Variants in DISP1 observed in about 807,000 individuals in gnomAD.
DISP1 encodes the protein dispatched RND transporter family member 1.
A neutral mutation model predicts 37.3 loss-of-function variants in DISP1; 30 were observed. The observed-to-expected ratio is 0.80, with a 90% CI of 0.60 to 1.09. The LOEUF (loss-of-function observed/expected upper bound fraction) is 1.09. Among genes scored for constraint, DISP1 ranks in the 50% least tolerant of loss-of-function variants. DISP1 has a pLI of 0.00. For missense variants in DISP1, 1,598 were observed against 1,879.5 expected (o/e 0.85, Z 2.77); for synonymous variants, 634 against 690.2 (o/e 0.92, Z 1.28).
chr1:222,966,242 A>G (rs1464685913), intron 3 of DISP1, among the ~76,000 whole-genome samples: 1 of 152,204 alleles, frequency 6.6e-6, no homozygotes, highest in African/African-American at 2.4e-5. Flanking sequence ...GAAAGAAACT[A>G]AAATGTAGGG....
intron 1 of DISP1, among the ~76,000 whole-genome samples, chr1:222,839,930 CAAA>C (rs113532897): frequency 6.9e-6 from 1 of 145,502 alleles, no homozygotes; most frequent in African/African-American, 2.5e-5. Context: ...AAGACTGTCT[CAAA>C]AAAAAAAAAA....
chr1:222,923,533 GA>G (rs1017915993), intron 1 of DISP1, among the ~76,000 whole-genome samples: 1 of 152,166 alleles, frequency 6.6e-6, no homozygotes, highest in Non-Finnish European at 1.5e-5. Flanking sequence ...ACAAGTTCCA[GA>G]AAAAGTTTGA....
chr1:222,944,180 A>G (rs1366645047), intron 3 of DISP1, among the ~76,000 whole-genome samples: 1 of 152,234 alleles, frequency 6.6e-6, no homozygotes, highest in Non-Finnish European at 1.5e-5. Context: ...CATAGCAGAT[A>G]AAACCTGTGA....
chr1:222,987,133 A>G (rs1399770570), intron 4 of DISP1, among the ~76,000 whole-genome samples: 3 of 151,706 alleles, frequency 2.0e-5, no homozygotes, highest in African/African-American at 4.8e-5. Flanking sequence ...TACTTCTCCA[A>G]TTTTCCTACT....
Position 222,887,530 on chromosome 1 carries a change from T to C in DISP1, c.-158-40900T>C, listed in dbSNP as rs1382969002. ...TTTTTGAGACGGAGTCTCGCTCTGT[T>C]GCCCAGGCCGGACTGCGGACTGCAG... is the stretch of plus-strand genomic sequence containing the variant. On this transcript the variant is annotated intron_variant, in intron 1 of 8. Coordinates refer to ENST00000675850, the MANE Select transcript of DISP1 (RefSeq NM_001377229.1). Among the ~76,000 whole-genome samples, 4 of 107,214 alleles carry C rather than the reference T, an allele frequency of 3.7e-5. 2 individuals carry two copies. Among genetic ancestry groups the C allele is most frequent in the Admixed American group, 1.6e-4 (2 of 12,444 alleles). 70.3% of individuals were successfully genotyped at this position (107,214 alleles called of 152,430 possible). A position where few individuals can be genotyped will look rare whatever the true frequency, so the allele number is the denominator to read the frequency against.
chr1:222,992,144 C>T (rs1396091078), intron 7 of DISP1, 34 bp downstream of exon 7: 1 of 1,502,318 alleles, frequency 6.7e-7, no homozygotes, highest in African/African-American at 1.4e-5. Context: ...AACCACTCAG[C>T]AGTTTGCTCG....
chr1:222,998,174 G>A (rs1679203358), intron 8 of DISP1, among the ~76,000 whole-genome samples: 1 of 151,572 alleles, frequency 6.6e-6, no homozygotes, highest in South Asian at 2.1e-4. Flanking sequence ...CACTGTTAGG[G>A]GTTTTCTTTG....
chr1:222,844,957 C>T (rs958569776), intron 1 of DISP1, among the ~76,000 whole-genome samples: 1 of 152,058 alleles, frequency 6.6e-6, no homozygotes, highest in Non-Finnish European at 1.5e-5. Flanking sequence ...AAACTTCAAA[C>T]TCAACATTTA....
intron 1 of DISP1, among the ~76,000 whole-genome samples, chr1:222,915,190 C>T (rs1189859908): frequency 6.6e-6 from 1 of 152,114 alleles, no homozygotes; most frequent in Non-Finnish European, 1.5e-5. Flanking sequence ...AGTTATGCTT[C>T]TTTGATCTAA....
In DISP1 at chr1:223,005,140, G is replaced by A; in HGVS notation, c.3743G>A (p.Gly1248Asp). Residue 1248 changes from glycine (G) to aspartate (D), a missense_variant, in exon 9 of 9, where the codon GGC becomes GAC. Gly to Asp is a moderately conservative substitution (Grantham distance 94). Transcript: ENST00000675850. ...ELSKSTESDAGSALLQPPLEQ... is the reference protein window; with the variant it reads ...ELSKSTESDADSALLQPPLEQ... Reference sequence around the variant, plus strand: ...AGCAAAAGCACTGAAAGTGACGCTGGCTCTGCCTTGTTACAGCCCCCTCTT... The same window carrying A: ...AGCAAAAGCACTGAAAGTGACGCTGACTCTGCCTTGTTACAGCCCCCTCTT... 3 of 1,614,152 alleles carry A rather than the reference G, an allele frequency of 1.9e-6. No homozygotes were observed. Among genetic ancestry groups the A allele is most frequent in the Non-Finnish European group, 1.7e-6 (2 of 1,180,008 alleles).
chr1:222,816,311 T>C (rs1661242694), intron 1 of DISP1, among the ~76,000 whole-genome samples: 1 of 152,122 alleles, frequency 6.6e-6, no homozygotes, highest in African/African-American at 2.4e-5. Context: ...CTAATCTACA[T>C]AATATAGTGT....
chr1:222,906,462 G>A (rs902879570), intron 1 of DISP1, among the ~76,000 whole-genome samples: 6 of 152,206 alleles, frequency 3.9e-5, no homozygotes, highest in African/African-American at 1.2e-4. Context: ...AGGAGGTTGA[G>A]GCATTCTTAG....
chr1:222,985,268 C>A (rs1034339391), intron 4 of DISP1, among the ~76,000 whole-genome samples: 1 of 152,210 alleles, frequency 6.6e-6, no homozygotes, highest in African/African-American at 2.4e-5. Flanking sequence ...TTCAACAAAG[C>A]CTTTCCTGAT....
chr1:222,908,222 T>G (rs1043241811), intron 1 of DISP1, among the ~76,000 whole-genome samples: 1 of 152,132 alleles, frequency 6.6e-6, no homozygotes. Flanking sequence ...TTGATGATCT[T>G]AGAAGATAAA....
chr1:222,881,842 T>C (rs748454561), intron 1 of DISP1, among the ~76,000 whole-genome samples: 4 of 152,216 alleles, frequency 2.6e-5, no homozygotes, highest in Non-Finnish European at 5.9e-5. Context: ...GATATTCTTA[T>C]ACTAAAAAGA....
chr1:222,887,719 C>A (rs1311822383), intron 1 of DISP1, among the ~76,000 whole-genome samples: 1 of 112,074 alleles, frequency 8.9e-6, no homozygotes, highest in Admixed American at 7.7e-5. Context: ...AGGATGGTCT[C>A]GATCTCCTGA....
Position 222,913,163 on chromosome 1 carries a change from C to G in DISP1, c.-158-15267C>G, listed in dbSNP as rs1672302676. ...TTTGATGTGAGAAGTATGGCCTGTA[C>G]CCCACCTTCTTGGTACTTGGTAGTT... On this transcript the variant is annotated intron_variant, in intron 1 of 8. Transcript: ENST00000675850. 2.6e-5 allele frequency among the ~76,000 whole-genome samples: 4 copies of G among 152,112 alleles called. 1 individual carries two copies. In the South Asian group the frequency reaches 8.3e-4, roughly 32 times the overall value.
chr1:222,931,765 A>T (rs1181404094), intron 2 of DISP1, among the ~76,000 whole-genome samples: 1 of 150,946 alleles, frequency 6.6e-6, no homozygotes, highest in African/African-American at 2.4e-5. Flanking sequence ...CATTTTAGAG[A>T]CTGACCAGAC....
chr1:223,004,807 AG>A lies in DISP1; in HGVS notation c.3413del (p.Gly1138ValfsTer36), dbSNP rs1220999915. On this transcript the variant is annotated frameshift_variant, in exon 9 of 9. Transcript: ENST00000675850. LOFTEE classifies it low-confidence loss of function (END_TRUNC). The surrounding 1 kb of genome is among the most constrained non-coding windows in gnomAD (Gnocchi z 4.9). ...TGCATGTGCCGGTGCCTTGGACCAC[AG>A]GGTACCTGTGGTCAGATTCCTTTAC... is the stretch of plus-strand genomic sequence containing the variant. The part of the protein sequence containing the change: ...FQCMCRCLGP[Q>X]GTCGQIPLPK... 1.9e-6 allele frequency: 3 copies of A among 1,612,104 alleles called. No homozygotes were observed. Among genetic ancestry groups the A allele is most frequent in the Non-Finnish European group, 2.5e-6 (3 of 1,180,014 alleles).
Sources: gnomAD v4.1 joint callset for allele counts (sites outside exome capture counted in the v4.1 genomes callset) on GRCh38, gnomAD v4.1.1 for gene constraint, Gnocchi (gnomAD v3.1) non-coding constraint, MANE v1.5 for transcripts, NCBI Gene and HGNC (gene_info 2026-07-23, HGNC 2026-07-21) for gene names.